The following TANC2 variants were observed in gnomAD, a reference collection of about 807,000 sequenced individuals.
TANC2 encodes protein TANC2.
In TANC2, 26 loss-of-function variants were observed where a neutral mutation model predicts 210.5. The ratio of observed to expected loss-of-function variants is 0.12; its 90% CI spans 0.09 to 0.17. The LOEUF (loss-of-function observed/expected upper bound fraction) is 0.17. TANC2 is among the 10% of genes least tolerant of loss of function. The pLI, the probability that TANC2 is intolerant of heterozygous loss-of-function variation, is 1.00. For missense variants in TANC2, 2,129 were observed against 2,608.9 expected (o/e 0.82, Z 4.01); for synonymous variants, 931 against 967.1 (o/e 0.96, Z 0.69).
chr17:63,222,704 T>G (rs1448635844), intron 7 of TANC2, among the ~76,000 whole-genome samples: 1 of 145,612 alleles, frequency 6.9e-6, no homozygotes, highest in African/African-American at 2.6e-5. Context: ...AAATTATACC[T>G]TAATAAAACT....
chr17:63,407,164 T>G (rs917830083), intron 21 of TANC2, among the ~76,000 whole-genome samples: 1 of 152,220 alleles, frequency 6.6e-6, no homozygotes, highest in Non-Finnish European at 1.5e-5. Context: ...GTCAGAGACT[T>G]ACTGGATCTT....
chr17:62,980,943 A>G (rs2032266953), intron 1 of TANC2, among the ~76,000 whole-genome samples: 1 of 151,882 alleles, frequency 6.6e-6, no homozygotes, highest in Admixed American at 6.6e-5. Flanking sequence ...TCTACTTTCA[A>G]CCCTCTTGAC....
chr17:63,258,726 C>T (rs1299499766), intron 8 of TANC2, among the ~76,000 whole-genome samples: 1 of 152,120 alleles, frequency 6.6e-6, no homozygotes, highest in Non-Finnish European at 1.5e-5. Flanking sequence ...TCTCTCCTTT[C>T]AGGGTAGGTG....
At chr17:63,194,353 T>TGAAC (rs1483016843) in intron 6 of TANC2, among the ~76,000 whole-genome samples, 1 of 152,208 alleles carries the variant, frequency 6.6e-6, no homozygotes, top group African/African-American at 2.4e-5. Flanking sequence ...ATTTAATGAA[T>TGAAC]GAACGAGCAA....
At chr17:63,308,606 A>G (rs374748142) in intron 9 of TANC2, among the ~76,000 whole-genome samples, 10 of 152,208 alleles carry the variant, frequency 6.6e-5, no homozygotes, top group African/African-American at 2.4e-4. Flanking sequence ...AATAGCTACA[A>G]CAGTTAAAAT....
rs564666622 is a variant in TANC2, at chr17:63,178,072, C to T, written c.434-15919C>T. Among the ~76,000 whole-genome samples, 3 of 152,320 alleles carry T rather than the reference C, an allele frequency of 2.0e-5. No individual in the cohort carries two copies. In the East Asian group the frequency reaches 5.8e-4, roughly 29 times the overall value. On this transcript the variant is annotated intron_variant, in intron 5 of 27. Coordinates refer to ENST00000689528, the Ensembl canonical transcript of TANC2. The stretch of plus-strand genomic sequence containing the variant: ...CTGGGCCAGGTGCGGTGGCTCACGC[C>T]CGTAATCCCAGCACTTTGGGAGGCC...
intron 7 of TANC2, among the ~76,000 whole-genome samples, chr17:63,223,965 CAG>C (rs2145954789): frequency 6.6e-6 from 1 of 152,196 alleles, no homozygotes; most frequent in East Asian, 1.9e-4. Context: ...GGGTGAGAAT[CAG>C]AGGAATATTT....
chr17:63,234,446 G>A (rs937296191), intron 7 of TANC2, among the ~76,000 whole-genome samples: 5 of 152,118 alleles, frequency 3.3e-5, no homozygotes, highest in African/African-American at 1.2e-4. Flanking sequence ...GAAGAATGAG[G>A]CCGATTATTT....
At chr17:63,384,006 A>C (rs1202235378) in intron 15 of TANC2, among the ~76,000 whole-genome samples, 2 of 152,208 alleles carry the variant, frequency 1.3e-5, no homozygotes, top group African/African-American at 4.8e-5. Context: ...CTCTAAAAAC[A>C]GACTGAGTTC....
exon 28 of TANC2, chr17:63,427,486 C>T (rs1338068963): frequency 6.6e-6 from 1 of 152,282 alleles, no homozygotes; most frequent in Non-Finnish European, 1.5e-5. Context: ...CCCCACACCC[C>T]ACAGAGGCAT....
At chr17:63,140,245 A>G (rs1162598131) in intron 4 of TANC2, among the ~76,000 whole-genome samples, 1 of 152,220 alleles carries the variant, frequency 6.6e-6, no homozygotes, top group Non-Finnish European at 1.5e-5. Context: ...TGACAGATTC[A>G]GAAGGATTGA....
intron 9 of TANC2, among the ~76,000 whole-genome samples, chr17:63,310,249 C>T (rs1471760275): frequency 1.3e-5 from 2 of 152,144 alleles, no homozygotes; most frequent in African/African-American, 2.4e-5. Context: ...GAGTTCGAGA[C>T]CAGCCTGGCC....
At chr17:63,413,667 A>G in intron 25 of TANC2, 33 bp downstream of exon 25, 1 of 1,527,494 alleles carries the variant, frequency 6.5e-7, no homozygotes, top group Non-Finnish European at 8.9e-7. Context: ...TTTCTTCAGA[A>G]CAGCCACTGA....
chr17:63,076,155 C>T (rs997192856), intron 3 of TANC2, among the ~76,000 whole-genome samples: 1 of 152,106 alleles, frequency 6.6e-6, no homozygotes, highest in Non-Finnish European at 1.5e-5. Flanking sequence ...GGAACTTCCT[C>T]CCCAAAACCA....
rs2048685570 is a variant in TANC2 at position 63,411,014 on chromosome 17, C to T, written c.3590-497C>T. ...TGAGGTAGCAGTGAACTGTGAGAAG[C>T]TTCTTAGAGGCAGGAGGATGGAGAT... On this transcript the variant is annotated intron_variant, in intron 21 of 27. Transcript: ENST00000689528. Among the ~76,000 whole-genome samples, 9 of 151,904 alleles carry T rather than the reference C, an allele frequency of 5.9e-5. No homozygotes were observed. In the South Asian group the frequency reaches 1.9e-3, roughly 32 times the overall value.
At chr17:63,243,257 A>G (rs1452823380) in intron 8 of TANC2, among the ~76,000 whole-genome samples, 1 of 152,204 alleles carries the variant, frequency 6.6e-6, no homozygotes, top group Non-Finnish European at 1.5e-5. Context: ...GAGTATGTTA[A>G]TAAGTTGGTA....
intron 15 of TANC2, among the ~76,000 whole-genome samples, chr17:63,381,732 C>G (rs1409490360): frequency 6.6e-6 from 1 of 152,146 alleles, no homozygotes; most frequent in Non-Finnish European, 1.5e-5. Context: ...AGCTAAAGAT[C>G]CCTAAGATGA....
exon 28 of TANC2, chr17:63,424,415 A>G (rs535802270): frequency 6.6e-6 from 1 of 152,392 alleles, no homozygotes; most frequent in South Asian, 2.1e-4. Context: ...TTTCCTTACA[A>G]GCAGACTGCC....
At chr17:63,262,629 CTT>C (rs11395061) in intron 8 of TANC2, among the ~76,000 whole-genome samples, 13 of 145,402 alleles carry the variant, frequency 8.9e-5, no homozygotes, top group Non-Finnish European at 1.2e-4. Context: ...TAGTAGTCCT[CTT>C]TTTTTTTTTT....
Sources: allele counts gnomAD v4.1 joint callset (sites outside exome capture counted in the v4.1 genomes callset), GRCh38; gene constraint gnomAD v4.1.1; transcripts MANE v1.5; gene names NCBI Gene and HGNC (gene_info 2026-07-23, HGNC 2026-07-21).